Variants in BRWD3 observed in about 807,000 individuals in gnomAD.
BRWD3 encodes the protein bromodomain and WD repeat domain containing 3, also known as bromodomain and WD repeat-containing protein 3.
A neutral mutation model predicts 149.7 loss-of-function variants in BRWD3; 10 were observed. The observed-to-expected ratio is 0.07, with a 90% CI of 0.04 to 0.11. BRWD3 has a LOEUF of 0.11. Among genes scored for constraint, BRWD3 ranks in the 10% least tolerant of loss-of-function variants. BRWD3 has a pLI of 1.00. For synonymous variants in BRWD3, 504 were observed against 456.7 expected, an observed-to-expected ratio of 1.10 and a Z score of -1.32; for missense variants, 940 against 1,373.2, an observed-to-expected ratio of 0.68 and a Z score of 4.99.
chrX:80,734,203 G>A lies in BRWD3; in HGVS notation c.1001C>T (p.Thr334Ile). 3 of 1,176,731 alleles carry A rather than the reference G, an allele frequency of 2.5e-6. No individual in the cohort carries two copies. The highest frequency in any genetic ancestry group is 3.6e-5 in the South Asian group (2 of 56,174). Residue 334 changes from threonine (T) to isoleucine (I), a missense_variant, in exon 11 of 41, where the codon ACA becomes ATA. Thr to Ile is a moderately conservative substitution (Grantham distance 89). Transcript: ENST00000373275. Reference protein sequence around the residue: ...SSFSSGGMFITTGSTDHVIRI... With the variant: ...SSFSSGGMFIITGSTDHVIRI... ...AATCACATGGTCAGTACTACCAGTT[G>A]TAATGAACATACCACCTAGAAGATT...
At chrX:80,781,926 T>A (rs1170744757) in intron 6 of BRWD3, among the ~76,000 whole-genome samples, 3 of 111,919 alleles carry the variant, frequency 2.7e-5, no homozygotes, top group Non-Finnish European at 5.6e-5. Context: ...AAATGTCCAT[T>A]CTACTCAAAG....
chrX:80,793,118 C>T (rs929441776), intron 5 of BRWD3, among the ~76,000 whole-genome samples: 11 of 96,109 alleles, frequency 1.1e-4, no homozygotes, highest in Non-Finnish European at 1.6e-4. Flanking sequence ...GCCGAGATCG[C>T]GCCACTGCAC....
At chrX:80,762,661 C>T (rs1360498390) in intron 6 of BRWD3, among the ~76,000 whole-genome samples, 1 of 111,238 alleles carries the variant, frequency 9.0e-6, no homozygotes, top group Non-Finnish European at 1.9e-5. Context: ...TAAGCACTGG[C>T]AGAGTCGCCT....
chrX:80,724,930 T>C lies in BRWD3; in HGVS notation c.1521+3A>G, dbSNP rs760220985. 7 of 1,210,284 alleles carry C rather than the reference T, an allele frequency of 5.8e-6. No individual in the cohort carries two copies. The highest frequency in any genetic ancestry group is 1.1e-6 in the Non-Finnish European group (1 of 894,394). Reference sequence around the variant, plus strand: ...GAACTAGATACAGGTAGGTGTCTCTTACCATGTTAAAGTAATTCCGAATTT... The same window carrying C: ...GAACTAGATACAGGTAGGTGTCTCTCACCATGTTAAAGTAATTCCGAATTT... On this transcript the variant is annotated splice_donor_region_variant and intron_variant, in intron 15 of 40. Coordinates refer to ENST00000373275, the MANE Select transcript of BRWD3 (RefSeq NM_153252.5).
chrX:80,804,493 C>T (rs1290643832), intron 4 of BRWD3, among the ~76,000 whole-genome samples: 1 of 111,800 alleles, frequency 8.9e-6, no homozygotes, highest in East Asian at 2.8e-4. Flanking sequence ...CTGCCTCAGT[C>T]TCTCAAAGTG....
In BRWD3 at chrX:80,787,949, TG is replaced by T. The variant is rs755181087; in HGVS notation, c.430+3904del. On this transcript the variant is annotated intron_variant, in intron 6 of 40. Transcript: ENST00000373275. ...AATACAAAAAATTAGCTGGGCGTGGTGGCGGGCGCTTGTAGTCCCAGCTACT... is the reference window on the plus strand; with the variant it reads ...AATACAAAAAATTAGCTGGGCGTGGTGCGGGCGCTTGTAGTCCCAGCTACT... 2.6e-3 allele frequency among the ~76,000 whole-genome samples: 285 copies of T among 109,195 alleles called. 1 individual carries two copies. The highest frequency in any genetic ancestry group is 4.5e-3 in the Non-Finnish European group (238 of 52,474). 94.8% of individuals were successfully genotyped at this position (109,195 alleles called of 115,157 possible). A position where few individuals can be genotyped will look rare whatever the true frequency, so the allele number is the denominator to read the frequency against.
At chrX:80,796,398 G>A (rs1380104913) in intron 4 of BRWD3, among the ~76,000 whole-genome samples, 1 of 111,165 alleles carries the variant, frequency 9.0e-6, no homozygotes, top group African/African-American at 3.3e-5. Flanking sequence ...CAAAGTGCTG[G>A]GATTACAGGC....
intron 32 of BRWD3, 40 bp downstream of exon 32, chrX:80,689,927 C>T (rs368487981): frequency 3.5e-4 from 413 of 1,194,108 alleles, no homozygotes; most frequent in Non-Finnish European, 4.2e-4. Context: ...TTTTTAAAAA[C>T]CTTAAGTTAG....
At chrX:80,713,356 T>C (rs1296043808) in intron 20 of BRWD3, among the ~76,000 whole-genome samples, 2 of 112,604 alleles carry the variant, frequency 1.8e-5, no homozygotes, top group Non-Finnish European at 3.8e-5. Context: ...AGAAAAATTC[T>C]TCTGCCTTGG....
intron 6 of BRWD3, among the ~76,000 whole-genome samples, chrX:80,788,592 A>G (rs2074141490): frequency 8.9e-6 from 1 of 111,855 alleles, no homozygotes; most frequent in Admixed American, 9.5e-5. Context: ...ATAAAGTTAA[A>G]GTTGTATTTA....
intron 4 of BRWD3, among the ~76,000 whole-genome samples, chrX:80,805,763 G>A (rs1332290803): frequency 1.8e-5 from 2 of 111,038 alleles, no homozygotes; most frequent in African/African-American, 3.3e-5. Flanking sequence ...GCGAAACCCC[G>A]TCTCTACTAA....
Position 80,687,086 on chromosome X carries a change from C to T in BRWD3, c.3865-83G>A, listed in dbSNP as rs1002232560. On this transcript the variant is annotated intron_variant, in intron 34 of 40. Transcript: ENST00000373275. ...TCATAAGTCCCTAATGTTAATATAC[C>T]TATCTGTATGTGTGTATATATATAT... The T allele has an allele frequency of 5.7e-6, 4 of 702,904 alleles. No individual in the cohort carries two copies. The Admixed American group carries it at 1.2e-4, about 21-fold the overall frequency. 57.9% of individuals were successfully genotyped at this position (702,904 alleles called of 1,213,427 possible). A position where few individuals can be genotyped will look rare whatever the true frequency, so the allele number is the denominator to read the frequency against.
intron 21 of BRWD3, among the ~76,000 whole-genome samples, chrX:80,709,032 G>A (rs1009941570): frequency 9.0e-6 from 1 of 111,651 alleles, no homozygotes; most frequent in Non-Finnish European, 1.9e-5. Flanking sequence ...ATCTCTATGA[G>A]GGGTGAAGTC....
chrX:80,745,620 C>T lies in BRWD3; in HGVS notation c.540G>A (p.Leu180=). 1 of 1,210,086 alleles carries T rather than the reference C, an allele frequency of 8.3e-7. No homozygotes were observed. The highest frequency in any genetic ancestry group is 1.1e-6 in the Non-Finnish European group (1 of 894,682). The change falls in exon 7 of 41, where the codon TTG becomes TTA. Residue 180 remains leucine (L), a synonymous_variant. Coordinates refer to ENST00000373275, the MANE Select transcript of BRWD3 (RefSeq NM_153252.5). ...IKMHKRILGH[L]SSVYCVAFDR... ...CAAATGCTACACAGTAGACAGATGACAAGTGCCCCAGAATTCTCTTATGCA... is the reference window on the plus strand; with the variant it reads ...CAAATGCTACACAGTAGACAGATGATAAGTGCCCCAGAATTCTCTTATGCA...
chrX:80,695,913 T>C lies in BRWD3; in HGVS notation c.3146A>G (p.Gln1049Arg), dbSNP rs1459097306. 10 of 1,204,833 alleles carry C rather than the reference T, an allele frequency of 8.3e-6. No individual in the cohort carries two copies. The highest frequency in any genetic ancestry group is 1.1e-5 in the Non-Finnish European group (10 of 890,673). The change falls in exon 27 of 41, where the codon CAG (glutamine) becomes CGG (arginine). Residue 1049 changes from glutamine to arginine, a missense_variant. By Grantham distance (43) the Gln-to-Arg change is conservative. Around this residue, in one of 6 missense-constraint regions of BRWD3, gnomAD observed 158 missense variants for 284.0 expected, o/e 0.56. Coordinates refer to ENST00000373275, the MANE Select transcript of BRWD3 (RefSeq NM_153252.5). ...AACAACAATTCTATATTTACCAATC[T>C]GCCAGTTCCTTTCTTTGGCTTCATT... is the stretch of plus-strand genomic sequence containing the variant. ...FYNEAKERNW[Q>R]IGDRFRSIID...
chrX:80,808,190 C>T (rs1329529734), intron 4 of BRWD3, among the ~76,000 whole-genome samples: 2 of 107,984 alleles, frequency 1.9e-5, no homozygotes, highest in African/African-American at 3.4e-5. Context: ...TGTCATTGGC[C>T]AGCGTCAGAC....
chrX:80,796,511 A>C (rs933919173), intron 4 of BRWD3, among the ~76,000 whole-genome samples: 3 of 112,092 alleles, frequency 2.7e-5, no homozygotes, highest in African/African-American at 9.7e-5. Context: ...CCTAGGAAAC[A>C]CAGGTCAAAG....
At chrX:80,733,294 T>C (rs763660186) in intron 12 of BRWD3, 162 bp downstream of exon 12, 1 of 417,187 alleles carries the variant, frequency 2.4e-6, no homozygotes, top group African/African-American at 2.6e-5. Context: ...TGGATGAGAT[T>C]GTGGAAGTGA....
At chrX:80,741,627 C>T (rs1296969079) in intron 8 of BRWD3, among the ~76,000 whole-genome samples, 32 of 111,836 alleles carry the variant, frequency 2.9e-4, no homozygotes, top group Non-Finnish European at 5.1e-4. Context: ...TGGTATCTCA[C>T]TGTGGTTTTG....
Sources: gnomAD v4.1 joint callset for allele counts (sites outside exome capture counted in the v4.1 genomes callset) on GRCh38, gnomAD v4.1.1 for gene constraint, gnomAD v4.1.1 regional missense constraint, MANE v1.5 for transcripts, NCBI Gene and HGNC (gene_info 2026-07-23, HGNC 2026-07-21) for gene names.